PLEKHG1: variants seen among roughly 807,000 people sequenced by gnomAD.
PLEKHG1 encodes the protein pleckstrin homology and RhoGEF domain containing G1, also known as pleckstrin homology domain-containing family G member 1.
PLEKHG1 carries 44 observed loss-of-function variants against 100.8 expected under a neutral mutation model. That is an observed-to-expected ratio of 0.44 (90% CI 0.34 to 0.56). The LOEUF is 0.56. PLEKHG1 is among the 20% of genes least tolerant of loss of function. The pLI, the probability that PLEKHG1 is intolerant of heterozygous loss-of-function variation, is 0.01. For synonymous variants in PLEKHG1, 640 were observed against 662.5 expected, an observed-to-expected ratio of 0.97 and a Z score of 0.52; for missense variants, 1,545 against 1,720.9, an observed-to-expected ratio of 0.90 and a Z score of 1.81.
At chr6:150,802,492 T>G (rs1786769837) in intron 6 of PLEKHG1, among the ~76,000 whole-genome samples, 1 of 151,930 alleles carries the variant, frequency 6.6e-6, no homozygotes, top group Non-Finnish European at 1.5e-5. Context: ...CAAGTCAAGA[T>G]CCTTACAAAA....
intron 1 of PLEKHG1, among the ~76,000 whole-genome samples, chr6:150,632,196 T>C (rs1777785162): frequency 2.6e-5 from 4 of 152,248 alleles, no homozygotes; most frequent in Admixed American, 2.6e-4. Context: ...CTCCATTCTC[T>C]ATTATAAACA....
At chr6:150,804,721 G>A (rs2128665867) in exon 7 of PLEKHG1, 1 of 1,613,774 alleles carries the variant, frequency 6.2e-7, no homozygotes, top group Non-Finnish European at 8.5e-7. Flanking sequence ...GCGGAAACAC[G>A]AGCACGCGGT....
intron 3 of PLEKHG1, among the ~76,000 whole-genome samples, chr6:150,675,131 C>G (rs1317879434): frequency 6.6e-6 from 1 of 152,142 alleles, no homozygotes; most frequent in Non-Finnish European, 1.5e-5. Context: ...TTTGGGAGTT[C>G]ACCATATGCC....
At chr6:150,736,015 T>C (rs1782541162) in intron 2 of PLEKHG1, among the ~76,000 whole-genome samples, 2 of 152,380 alleles carry the variant, frequency 1.3e-5, no homozygotes, top group Middle Eastern at 3.4e-3. Context: ...ATGAATCAAC[T>C]GTGTTTTACA....
chr6:150,666,903 G>C (rs934254357), intron 3 of PLEKHG1, among the ~76,000 whole-genome samples: 24 of 151,976 alleles, frequency 1.6e-4, no homozygotes, highest in Non-Finnish European at 2.9e-5. Context: ...TGGGACTACA[G>C]GTGCCCACCA....
intron 1 of PLEKHG1, among the ~76,000 whole-genome samples, chr6:150,629,501 C>T (rs930365979): frequency 1.3e-4 from 20 of 152,046 alleles, no homozygotes; most frequent in African/African-American, 4.6e-4. Context: ...TGCTCTGTTG[C>T]CCAGGCTGGA....
chr6:150,714,981 T>C (rs1251627723), intron 3 of PLEKHG1, among the ~76,000 whole-genome samples: 1 of 152,044 alleles, frequency 6.6e-6, no homozygotes, highest in Non-Finnish European at 1.5e-5. Flanking sequence ...AGCTAATTTT[T>C]TGTGTTTTTA....
intron 7 of PLEKHG1, among the ~76,000 whole-genome samples, chr6:150,805,864 A>G (rs1263768599): frequency 1.3e-5 from 2 of 152,146 alleles, no homozygotes; most frequent in Non-Finnish European, 2.9e-5. Context: ...GAAGTTTGCT[A>G]AAGGCCTATC....
At chr6:150,713,420 C>T (rs535744778) in intron 3 of PLEKHG1, among the ~76,000 whole-genome samples, 1 of 152,058 alleles carries the variant, frequency 6.6e-6, no homozygotes, top group Non-Finnish European at 1.5e-5. Flanking sequence ...TACAGGAGAC[C>T]AAGTGAATAT....
Position 150,775,575 on chromosome 6 carries a change from TAATC to T in PLEKHG1, c.512+6840_512+6843del, listed in dbSNP as rs564316489. On this transcript the variant is annotated intron_variant, in intron 3 of 15. Coordinates refer to ENST00000358517, the Ensembl canonical transcript of PLEKHG1. ...TGTACAACAGAGGCAATAAGCCACA[TAATC>T]AAGGAAGGAACAGAATGCTTTGTGA... Among the ~76,000 whole-genome samples the T allele has an allele frequency of 1.9e-4, 29 of 152,300 alleles. 1 individual carries two copies. The South Asian group carries it at 4.3e-3, about 23-fold the overall frequency.
At chr6:150,779,317 A>G (rs757864844) in intron 3 of PLEKHG1, among the ~76,000 whole-genome samples, 4 of 151,024 alleles carry the variant, frequency 2.6e-5, no homozygotes, top group Non-Finnish European at 4.4e-5. Flanking sequence ...ACAATTTAAA[A>G]CACAGGGGGT....
intron 1 of PLEKHG1, among the ~76,000 whole-genome samples, chr6:150,729,185 G>T (rs1451379503): frequency 1.3e-5 from 2 of 152,298 alleles, no homozygotes; most frequent in Middle Eastern, 3.4e-3. Context: ...TTGACTCCAA[G>T]TAGCTGGGAC....
intron 1 of PLEKHG1, among the ~76,000 whole-genome samples, chr6:150,623,621 C>T (rs1410150451): frequency 2.0e-5 from 3 of 152,226 alleles, no homozygotes. Flanking sequence ...AAACGGACAG[C>T]AGAGTTGGCC....
At chr6:150,778,145 TGA>T (rs747177061) in intron 3 of PLEKHG1, among the ~76,000 whole-genome samples, 3 of 152,224 alleles carry the variant, frequency 2.0e-5, no homozygotes, top group Non-Finnish European at 4.4e-5. Flanking sequence ...TTCTTTTTTT[TGA>T]GACGGAGTCT....
intron 2 of PLEKHG1, among the ~76,000 whole-genome samples, chr6:150,766,086 T>A (rs1254690046): frequency 1.3e-5 from 2 of 152,224 alleles, no homozygotes; most frequent in Non-Finnish European, 2.9e-5. Flanking sequence ...GGACATAAAC[T>A]GATTAGAAAG....
At chr6:150,810,912 T>A (rs1407163671) in intron 10 of PLEKHG1, among the ~76,000 whole-genome samples, 18 of 150,348 alleles carry the variant, frequency 1.2e-4, no homozygotes, top group Admixed American at 7.3e-4. Flanking sequence ...CAGAGCAAGA[T>A]CCTGTCTCAA....
At chr6:150,813,870 A>G (rs918942163) in intron 10 of PLEKHG1, among the ~76,000 whole-genome samples, 7 of 152,120 alleles carry the variant, frequency 4.6e-5, no homozygotes, top group African/African-American at 7.2e-5. Flanking sequence ...GGATGGTGAA[A>G]CAGTCCAAGT....
chr6:150,621,933 G>C (rs1777316624), intron 1 of PLEKHG1, among the ~76,000 whole-genome samples: 1 of 152,146 alleles, frequency 6.6e-6, no homozygotes, highest in African/African-American at 2.4e-5. Flanking sequence ...TTACCGTGTT[G>C]CGTCCAGAAC....
chr6:150,811,497 C>T (rs865898954), intron 10 of PLEKHG1, among the ~76,000 whole-genome samples: 1 of 152,210 alleles, frequency 6.6e-6, no homozygotes. Context: ...TTTCAAACTC[C>T]TGGGTTCAAG....
Sources: allele counts gnomAD v4.1 joint callset (sites outside exome capture counted in the v4.1 genomes callset), GRCh38; gene constraint gnomAD v4.1.1; transcripts MANE v1.5; gene names NCBI Gene and HGNC (gene_info 2026-07-23, HGNC 2026-07-21).